The following BMS1 variants were observed in gnomAD, a reference collection of about 807,000 sequenced individuals.
BMS1 encodes ribosome biogenesis protein BMS1 homolog.
A neutral mutation model predicts 138.7 loss-of-function variants in BMS1; 53 were observed. That is an observed-to-expected ratio of 0.38 (90% CI 0.31 to 0.48). The LOEUF (loss-of-function observed/expected upper bound fraction) is 0.48. Among genes scored for constraint, BMS1 ranks in the 20% least tolerant of loss-of-function variants. The pLI is 0.97. For missense variants in BMS1, 1,360 were observed against 1,565.5 expected (o/e 0.87, Z 2.22); for synonymous variants, 504 against 539.9 (o/e 0.93, Z 0.92).
intron 3 of BMS1, among the ~76,000 whole-genome samples, chr10:42,786,876 A>G (rs1048140875): frequency 2.6e-5 from 4 of 152,258 alleles, no homozygotes; most frequent in Admixed American, 2.6e-4. Flanking sequence ...GCAGCTGAAC[A>G]GCAGGATCAT....
rs1841553221 is a variant in BMS1 at position 42,792,859 on chromosome 10, A to T, written c.902-98A>T. ...ATGCCCTTCTTTAGTGTTATGGGTTAAGCCCTTGGACTGTGGATCATATTT... is the reference window on the plus strand; with the variant it reads ...ATGCCCTTCTTTAGTGTTATGGGTTTAGCCCTTGGACTGTGGATCATATTT... On this transcript the variant is annotated intron_variant, in intron 7 of 22. Coordinates refer to ENST00000374518, the MANE Select transcript of BMS1 (RefSeq NM_014753.4). The T allele has an allele frequency of 2.1e-6, 3 of 1,401,482 alleles. No individual in the cohort carries two copies. The African/African-American group carries it at 4.3e-5, about 20-fold the overall frequency. 86.8% of individuals were successfully genotyped at this position (1,401,482 alleles called of 1,614,324 possible).
At position 42,798,598 on chromosome 10, in the gene BMS1, G is replaced by A. The variant is rs980662474; in HGVS notation, c.2220G>A (p.Glu740=). ...TGGACTGCTCCAGATTTCTTGTGGA[G>A]GCCCCCCATGACTGGGATTTAGAGG... is the stretch of plus-strand genomic sequence containing the variant. ...DSLDCSRFLV[E]APHDWDLEEV... Residue 740 remains glutamate, a synonymous_variant, in exon 12 of 23, where the codon GAG becomes GAA. Transcript: ENST00000374518. 1 of 1,614,240 alleles carries A rather than the reference G, an allele frequency of 6.2e-7. No individual in the cohort carries two copies. The highest frequency in any genetic ancestry group is 8.5e-7 in the Non-Finnish European group (1 of 1,180,038).
rs201989025 is a variant in BMS1 at position 42,797,226 on chromosome 10, C to T, written c.1982C>T (p.Thr661Met). Residue 661 changes from threonine to methionine, a missense_variant, in exon 10 of 23, where the codon ACG becomes ATG. Thr to Met is a moderately conservative substitution (Grantham distance 81). Around this residue, in one of 3 missense-constraint regions of BMS1, gnomAD observed 697 missense variants for 686.2 expected, o/e 1.02. Transcript: ENST00000374518. ...GAAGAAAATAATGATTCCAAAGAAA[C>T]GTCAGGTAAGCTTAAATGTAGTTGG... ...YKEENNDSKE[T>M]SGALKWKEDL... 204 of 1,602,256 alleles carry T rather than the reference C, an allele frequency of 1.3e-4. No homozygotes were observed. The highest frequency in any genetic ancestry group is 1.7e-4 in the Middle Eastern group (1 of 6,004).
At chr10:42,803,758 G>A (rs1213308321) in intron 13 of BMS1, among the ~76,000 whole-genome samples, 1 of 152,142 alleles carries the variant, frequency 6.6e-6, no homozygotes, top group East Asian at 1.9e-4. Flanking sequence ...TCACTTCAGT[G>A]AGGTATAATT....
At chr10:42,796,034 C>T (rs188665264) in intron 9 of BMS1, among the ~76,000 whole-genome samples, 6 of 152,324 alleles carry the variant, frequency 3.9e-5, no homozygotes, top group Admixed American at 2.0e-4. Context: ...CTCTGTTAGT[C>T]TTTGAGCATT....
chr10:42,809,257 G>A (rs1388222774), intron 13 of BMS1, among the ~76,000 whole-genome samples: 2 of 152,070 alleles, frequency 1.3e-5, no homozygotes, highest in African/African-American at 4.8e-5. Flanking sequence ...ATTTTCATTT[G>A]TTTCTCTTTT....
At chr10:42,793,628 G>A (rs1341201511) in intron 8 of BMS1, among the ~76,000 whole-genome samples, 8 of 152,186 alleles carry the variant, frequency 5.3e-5, no homozygotes, top group Non-Finnish European at 1.2e-4. Context: ...TAGCTAGGTT[G>A]TTTAGGTTAT....
intron 13 of BMS1, among the ~76,000 whole-genome samples, chr10:42,804,191 T>C (rs2142985): frequency 0.47 from 71,583 of 152,062 alleles, 17,536 homozygotes; most frequent in East Asian, 0.64. Flanking sequence ...CTGCTATGAA[T>C]GTTTTTTAGA....
chr10:42,813,629 A>G (rs898181034), intron 13 of BMS1, among the ~76,000 whole-genome samples: 1 of 152,202 alleles, frequency 6.6e-6, no homozygotes, highest in African/African-American at 2.4e-5. Flanking sequence ...TGTCTCGTGT[A>G]TGTATCCACA....
chr10:42,805,365 C>T (rs1234566848), intron 13 of BMS1, among the ~76,000 whole-genome samples: 1 of 152,172 alleles, frequency 6.6e-6, no homozygotes, highest in Non-Finnish European at 1.5e-5. Context: ...AACACTGTCT[C>T]TGTTACTTAC....
At chr10:42,810,994 T>C (rs948561264) in intron 13 of BMS1, among the ~76,000 whole-genome samples, 1 of 152,160 alleles carries the variant, frequency 6.6e-6, no homozygotes, top group Non-Finnish European at 1.5e-5. Context: ...TCATTGATTT[T>C]CTCTGTTTTT....
intron 8 of BMS1, 138 bp downstream of exon 8, chr10:42,793,282 A>G: frequency 5.3e-6 from 4 of 756,076 alleles, no homozygotes. Context: ...GCCCAAATGC[A>G]TATTGTAAAT....
intron 9 of BMS1, among the ~76,000 whole-genome samples, chr10:42,795,342 C>T (rs1841646966): frequency 6.6e-6 from 1 of 151,084 alleles, no homozygotes; most frequent in African/African-American, 2.4e-5. Context: ...TTTTTTGTGA[C>T]AAGATCTTGC....
At chr10:42,789,977 T>G (rs1841450701) in intron 4 of BMS1, among the ~76,000 whole-genome samples, 1 of 152,212 alleles carries the variant, frequency 6.6e-6, no homozygotes, top group South Asian at 2.1e-4. Flanking sequence ...GGACATTGTC[T>G]TATGGGTTGG....
At chr10:42,788,694 C>A (rs1452400638) in intron 4 of BMS1, among the ~76,000 whole-genome samples, 1 of 152,112 alleles carries the variant, frequency 6.6e-6, no homozygotes. Context: ...TTATGTAAAT[C>A]TTTTAAAGAT....
At chr10:42,792,033 G>A (rs981372957) in intron 6 of BMS1, among the ~76,000 whole-genome samples, 9 of 152,158 alleles carry the variant, frequency 5.9e-5, no homozygotes, top group Non-Finnish European at 1.3e-4. Context: ...TTCAGCCTCA[G>A]TTTTCAGTGA....
chr10:42,795,840 AG>A (rs1030153625), intron 9 of BMS1, among the ~76,000 whole-genome samples: 1 of 152,094 alleles, frequency 6.6e-6, no homozygotes, highest in African/African-American at 2.4e-5. Flanking sequence ...TACGTTTGTT[AG>A]CTGGCATTTT....
At chr10:42,823,070 A>T in intron 19 of BMS1, 48 bp from the exon 20 acceptor site, 1 of 1,399,912 alleles carries the variant, frequency 7.1e-7, no homozygotes, top group Non-Finnish European at 9.4e-7. Context: ...GTAAAGCATA[A>T]AGTATATGAT....
rs778008944 is a variant in BMS1, at chr10:42,830,405, G to C, written c.3601G>C (p.Glu1201Gln). 8 of 1,608,576 alleles carry C rather than the reference G, an allele frequency of 5.0e-6. No individual in the cohort carries two copies. The highest frequency in any genetic ancestry group is 6.8e-6 in the Non-Finnish European group (8 of 1,178,834). The change falls in exon 22 of 23, where the codon GAG becomes CAG. Residue 1201 changes from glutamate (E) to glutamine (Q), a missense_variant. Coordinates refer to ENST00000374518, the MANE Select transcript of BMS1 (RefSeq NM_014753.4). ...CAGGCGGAGACCGGCCGTCATACGC[G>C]AGCCTCATGAAAGAAAGGTACTGTT... The part of the protein sequence containing the change: ...KDRRRPAVIR[E>Q]PHERKILALL...
Sources: gnomAD v4.1 joint callset for allele counts (sites outside exome capture counted in the v4.1 genomes callset) on GRCh38, gnomAD v4.1.1 for gene constraint, gnomAD v4.1.1 regional missense constraint, MANE v1.5 for transcripts, NCBI Gene and HGNC (gene_info 2026-07-23, HGNC 2026-07-21) for gene names.